The following OXR1 variants were observed in gnomAD, a reference collection of about 807,000 sequenced individuals.
OXR1 encodes oxidation resistance protein 1.
Under a neutral mutation model 104.6 loss-of-function variants are expected in OXR1, and 41 were observed. That is an observed-to-expected ratio of 0.39 (90% confidence interval 0.31 to 0.51). The LOEUF (loss-of-function observed/expected upper bound fraction) is 0.51. Ranked by LOEUF, OXR1 falls within the 20% of genes least tolerant of loss-of-function variation. The pLI is 0.77. For synonymous variants in OXR1, 348 were observed against 348.4 expected (o/e 1.00, Z 0.01); for missense variants, 955 against 1,031.9 (o/e 0.93, Z 1.02).
At chr8:106,485,886 A>G (rs545890631) in intron 2 of OXR1, among the ~76,000 whole-genome samples, 26 of 150,336 alleles carry the variant, frequency 1.7e-4, no homozygotes, top group African/African-American at 6.3e-4. Flanking sequence ...AGTGTCACTG[A>G]TATGTGGAAC....
intron 3 of OXR1, among the ~76,000 whole-genome samples, chr8:106,601,332 G>C (rs932757660): frequency 2.0e-5 from 3 of 152,118 alleles, no homozygotes; most frequent in African/African-American, 7.2e-5. Flanking sequence ...GAATACCACA[G>C]ACTGAGTAGC....
Position 106,739,075 on chromosome 8 carries a change from TACACACACACACACACACACAC to T in OXR1, c.2038-359_2038-338del, listed in dbSNP as rs71307086. On this transcript the variant is annotated intron_variant, in intron 12 of 16. Coordinates refer to ENST00000517566, the MANE Select transcript of OXR1 (RefSeq NM_001198533.2). ...TGAAAGAATTCTATTTTAAATAGCATACACACACACACACACACACACACACACACACACACACACACACAGC... is the reference window on the plus strand; with the variant it reads ...TGAAAGAATTCTATTTTAAATAGCATACACACACACACACACACACACAGC... 2.4e-3 allele frequency among the ~76,000 whole-genome samples: 346 copies of T among 141,630 alleles called. 2 individuals carry two copies. The highest frequency in any genetic ancestry group is 8.5e-3 in the African/African-American group (325 of 38,352). The allele number at this position is 141,630 out of a possible 152,430, so 92.9% of individuals were successfully genotyped here. A position where few individuals can be genotyped will look rare whatever the true frequency, so the allele number is the denominator to read the frequency against.
At chr8:106,351,061 C>G (rs1424956966) in intron 1 of OXR1, among the ~76,000 whole-genome samples, 2 of 152,040 alleles carry the variant, frequency 1.3e-5, no homozygotes, top group Non-Finnish European at 2.9e-5. Flanking sequence ...AGTCTAGAAC[C>G]TATAAATACG....
intron 2 of OXR1, among the ~76,000 whole-genome samples, chr8:106,466,516 T>A (rs1821178552): frequency 6.6e-6 from 1 of 151,924 alleles, no homozygotes; most frequent in Non-Finnish European, 1.5e-5. Context: ...TGGATTTTTT[T>A]GCTCTCAATT....
rs775933406 is a variant in OXR1 at position 106,739,464 on chromosome 8, A to G, written c.2044A>G (p.Thr682Ala). The part of the protein sequence containing the change: ...RTLCRRLQIT[T>A]REDINSKQVA... The stretch of plus-strand genomic sequence containing the variant: ...CCTCTATTTACTGTTTTAGATTACT[A>G]CAAGGGAAGACATAAATTCAAAGCA... The change falls in exon 13 of 17, where the codon ACA (threonine) becomes GCA (alanine). Residue 682 changes from threonine to alanine, a missense_variant. Transcript: ENST00000517566. The G allele has an allele frequency of 1.9e-6, 3 of 1,612,218 alleles. No homozygotes were observed. The highest frequency in any genetic ancestry group is 1.3e-5 in the African/African-American group (1 of 74,882).
intron 2 of OXR1, among the ~76,000 whole-genome samples, chr8:106,403,033 G>T (rs1818066524): frequency 6.6e-6 from 1 of 152,122 alleles, no homozygotes; most frequent in African/African-American, 2.4e-5. Context: ...TGTTAGCCAG[G>T]ATGGTCTCGA....
intron 10 of OXR1, among the ~76,000 whole-genome samples, 173 bp downstream of exon 10, chr8:106,710,963 A>G (rs1831624786): frequency 6.6e-6 from 1 of 152,084 alleles, no homozygotes; most frequent in Non-Finnish European, 1.5e-5. Context: ...CCCATTTTTA[A>G]TTGCATTCCC....
chr8:106,594,616 A>G (rs1314254964), intron 3 of OXR1, among the ~76,000 whole-genome samples: 2 of 152,172 alleles, frequency 1.3e-5, no homozygotes, highest in African/African-American at 4.8e-5. Context: ...TTCTCAGAGC[A>G]AGTTTAGTTG....
At chr8:106,539,111 T>C (rs1007188087) in intron 3 of OXR1, among the ~76,000 whole-genome samples, 1 of 152,152 alleles carries the variant, frequency 6.6e-6, no homozygotes, top group African/African-American at 2.4e-5. Context: ...ATTTATCAGA[T>C]GAGATAATGA....
At chr8:106,412,579 C>A (rs1343759242) in intron 2 of OXR1, among the ~76,000 whole-genome samples, 1 of 145,962 alleles carries the variant, frequency 6.9e-6, no homozygotes, top group East Asian at 2.2e-4. Flanking sequence ...CCGGAACAAC[C>A]ATTATCATTT....
intron 2 of OXR1, among the ~76,000 whole-genome samples, chr8:106,417,683 A>G (rs1475317037): frequency 1.3e-5 from 2 of 152,178 alleles, no homozygotes; most frequent in Non-Finnish European, 2.9e-5. Flanking sequence ...AACAGGACCC[A>G]CTAGGAGTTC....
chr8:106,424,789 AT>A (rs565809418), intron 2 of OXR1, among the ~76,000 whole-genome samples: 2 of 151,972 alleles, frequency 1.3e-5, no homozygotes, highest in Non-Finnish European at 2.9e-5. Context: ...ACTATAATTT[AT>A]TTTTTTAATT....
At chr8:106,685,392 C>A (rs917579613) in intron 6 of OXR1, among the ~76,000 whole-genome samples, 3 of 152,070 alleles carry the variant, frequency 2.0e-5, no homozygotes, top group Admixed American at 2.0e-4. Context: ...TGACTAGAAA[C>A]CTGTGGGGTC....
chr8:106,618,869 TTTTTTTGCC>T (rs980655018), intron 3 of OXR1, among the ~76,000 whole-genome samples: 3 of 152,196 alleles, frequency 2.0e-5, no homozygotes, highest in Non-Finnish European at 2.9e-5. Flanking sequence ...GGAGGATTTT[TTTTTTTGCC>T]TTTTTTCTTT....
Position 106,684,241 on chromosome 8 carries a change from T to C in OXR1, c.412-5T>C. 1 of 1,454,198 alleles carries C rather than the reference T, an allele frequency of 6.9e-7. No individual in the cohort carries two copies. Among genetic ancestry groups the C allele is most frequent in the South Asian group, 1.2e-5 (1 of 86,468 alleles). 90.1% of individuals were successfully genotyped at this position (1,454,198 alleles called of 1,614,324 possible). ...CTAAATCTTTGTGTGAATGTTTTCTTACAGGTTCTGTATGTTCCTGATCCT... is the reference window on the plus strand; with the variant it reads ...CTAAATCTTTGTGTGAATGTTTTCTCACAGGTTCTGTATGTTCCTGATCCT... On this transcript the variant is annotated splice_polypyrimidine_tract_variant and splice_region_variant and intron_variant, in intron 5 of 16. Coordinates refer to ENST00000517566, the MANE Select transcript of OXR1 (RefSeq NM_001198533.2).
chr8:106,588,613 G>A (rs537815003), intron 3 of OXR1, among the ~76,000 whole-genome samples: 112 of 151,410 alleles, frequency 7.4e-4, no homozygotes, highest in Non-Finnish European at 1.2e-3. Context: ...TCAGCCTCCC[G>A]AGTAGCTGGG....
chr8:106,401,189 G>C (rs1379751239), intron 2 of OXR1, among the ~76,000 whole-genome samples: 2 of 152,106 alleles, frequency 1.3e-5, no homozygotes, highest in African/African-American at 4.8e-5. Flanking sequence ...TGAACAACCA[G>C]GTGTACTGCT....
Position 106,506,616 on chromosome 8 carries a change from G to GA in OXR1, c.24-12320dup, listed in dbSNP as rs948943321. On this transcript the variant is annotated intron_variant, in intron 2 of 16. Transcript: ENST00000517566. The stretch of plus-strand genomic sequence containing the variant: ...ACAGAGCGAGACTCCATCTCAAAAA[G>GA]AAAAAAAGAGTCTTCAGGATATAAA... Among the ~76,000 whole-genome samples the GA allele has an allele frequency of 6.6e-5, 10 of 150,564 alleles. No individual in the cohort carries two copies. In the South Asian group the frequency reaches 1.9e-3, roughly 28 times the overall value.
At chr8:106,280,581 G>A (rs904755742) in intron 1 of OXR1, among the ~76,000 whole-genome samples, 54 of 152,054 alleles carry the variant, frequency 3.6e-4, no homozygotes, top group African/African-American at 1.2e-3. Context: ...TGGGTGATGG[G>A]GGCATAGGGA....
Sources: gnomAD v4.1 joint callset for allele counts (sites outside exome capture counted in the v4.1 genomes callset) on GRCh38, gnomAD v4.1.1 for gene constraint, MANE v1.5 for transcripts, NCBI Gene and HGNC (gene_info 2026-07-23, HGNC 2026-07-21) for gene names.